The following ARL6IP5 variants were observed in gnomAD, a reference collection of about 807,000 sequenced individuals.
The protein encoded by ARL6IP5 is PRA1 family protein 3.
In ARL6IP5, 6 loss-of-function variants were observed where a neutral mutation model predicts 13.0. The observed-to-expected ratio is 0.46, with a 90% confidence interval of 0.25 to 0.91. The LOEUF (loss-of-function observed/expected upper bound fraction) is 0.91. ARL6IP5 is among the 40% of genes least tolerant of loss of function. ARL6IP5 has a pLI of 0.17. For synonymous variants in ARL6IP5, 91 were observed against 91.9 expected (o/e 0.99, Z 0.06); for missense variants, 208 against 248.8 (o/e 0.84, Z 1.10).
chr3:69,100,716 G>A (rs2092302380), intron 1 of ARL6IP5, among the ~76,000 whole-genome samples: 1 of 151,754 alleles, frequency 6.6e-6, no homozygotes, highest in Non-Finnish European at 1.5e-5. Context: ...AGGAGGCAGA[G>A]GTTGCAGTGA....
rs1474854786 is a variant in ARL6IP5 at position 69,105,638 on chromosome 3, C to T, written c.*1002C>T. 1.3e-5 allele frequency: 2 copies of T among 152,186 alleles called. No homozygotes were observed. Among genetic ancestry groups the T allele is most frequent in the African/African-American group, 4.8e-5 (2 of 41,452 alleles). 9.4% of individuals were successfully genotyped at this position (152,186 alleles called of 1,614,324 possible). On this transcript the variant is annotated 3_prime_UTR_variant, in exon 3 of 3. Transcript: ENST00000273258. ...AAATGGTAATGAAAATGGAATGCAG[C>T]TACTGCAGCTAATAAAAAATTTTAG...
At chr3:69,104,117 A>C (rs757952964) in intron 2 of ARL6IP5, among the ~76,000 whole-genome samples, 1 of 152,166 alleles carries the variant, frequency 6.6e-6, no homozygotes, top group African/African-American at 2.4e-5. Flanking sequence ...GTTGATTTTT[A>C]AGTAGGATGG....
chr3:69,089,680 A>T (rs1054522827), intron 1 of ARL6IP5: 2 of 374,174 alleles, frequency 5.3e-6, no homozygotes, highest in African/African-American at 2.2e-5. Context: ...ATTAGAACTC[A>T]TATTTTCTGG....
chr3:69,099,324 T>A (rs973613269), intron 1 of ARL6IP5, among the ~76,000 whole-genome samples: 10 of 152,112 alleles, frequency 6.6e-5, no homozygotes, highest in African/African-American at 2.4e-4. Flanking sequence ...TGAGCCGAGA[T>A]CGCGCCATTG....
rs373887137 is a variant in ARL6IP5 at position 69,093,907 on chromosome 3, C to G, written c.177-7932C>G. On this transcript the variant is annotated intron_variant, in intron 1 of 2. Coordinates refer to ENST00000273258, the MANE Select transcript of ARL6IP5 (RefSeq NM_006407.4). Reference sequence around the variant, plus strand: ...AGAAAGAGGCTGCAGTGAGCTATGACCATGCCATCATACTCCAGCTTGAGT... The same window carrying G: ...AGAAAGAGGCTGCAGTGAGCTATGAGCATGCCATCATACTCCAGCTTGAGT... 7.9e-5 allele frequency among the ~76,000 whole-genome samples: 12 copies of G among 152,202 alleles called. No homozygotes were observed. In the East Asian group the frequency reaches 1.5e-3, roughly 20 times the overall value.
chr3:69,089,820 A>G (rs1179355215), intron 1 of ARL6IP5: 1 of 456,586 alleles, frequency 2.2e-6, no homozygotes. Flanking sequence ...AGATAGAACC[A>G]TGTAGCTGCT....
At chr3:69,093,447 T>C (rs968669514) in intron 1 of ARL6IP5, among the ~76,000 whole-genome samples, 1 of 152,140 alleles carries the variant, frequency 6.6e-6, no homozygotes, top group African/African-American at 2.4e-5. Flanking sequence ...GGAGACACTG[T>C]TCTCATTTAC....
At chr3:69,101,002 AT>A (rs779731609) in intron 1 of ARL6IP5, among the ~76,000 whole-genome samples, 1 of 151,062 alleles carries the variant, frequency 6.6e-6, no homozygotes, top group African/African-American at 2.4e-5. Context: ...AGTTTTCTGG[AT>A]TTTTTTTTAA....
Position 69,085,039 on chromosome 3 carries a change from G to A in ARL6IP5, c.-9G>A. The A allele has an allele frequency of 6.2e-7, 1 of 1,612,488 alleles. No individual in the cohort carries two copies. Among genetic ancestry groups the A allele is most frequent in the South Asian group, 1.1e-5 (1 of 90,962 alleles). ...AGATTCTGGAGGCGAAGAACGCAAA[G>A]CTGAGAACATGGACGTTAATATCGC... On this transcript the variant is annotated 5_prime_UTR_variant, in exon 1 of 3. Transcript: ENST00000273258.
rs111837542 is a variant in ARL6IP5, at chr3:69,099,134, G to C, written c.177-2705G>C. Among the ~76,000 whole-genome samples the C allele has an allele frequency of 3.3e-3, 365 of 112,176 alleles. 20 individuals are homozygous for C. Among genetic ancestry groups the C allele is most frequent in the African/African-American group, 0.012 (328 of 27,864 alleles). 73.6% of individuals were successfully genotyped at this position (112,176 alleles called of 152,430 possible). On this transcript the variant is annotated intron_variant, in intron 1 of 2. Transcript: ENST00000273258. ...CACTTTGGGAGGCTGAGGGGCGGGG[G>C]GGGTGGGGGGTGGATCACATGAGGT... is the stretch of plus-strand genomic sequence containing the variant.
chr3:69,102,152 T>C (rs2092307793), intron 2 of ARL6IP5, 96 bp downstream of exon 2: 1 of 1,356,894 alleles, frequency 7.4e-7, no homozygotes, highest in Non-Finnish European at 1.0e-6. Flanking sequence ...TGTGTTGGCA[T>C]GTCAGCAAAA....
chr3:69,102,490 G>C (rs910179504), intron 2 of ARL6IP5, among the ~76,000 whole-genome samples: 2 of 152,140 alleles, frequency 1.3e-5, no homozygotes, highest in Non-Finnish European at 2.9e-5. Context: ...GGACTCCCAA[G>C]CTTGAGTGAT....
intron 1 of ARL6IP5, among the ~76,000 whole-genome samples, chr3:69,088,112 C>T (rs910989926): frequency 1.1e-4 from 17 of 152,084 alleles, no homozygotes; most frequent in Admixed American, 2.6e-4. Context: ...TACTCAAAGT[C>T]ACAAACTTAG....
At chr3:69,092,320 G>T (rs1331474074) in intron 1 of ARL6IP5, among the ~76,000 whole-genome samples, 1 of 152,148 alleles carries the variant, frequency 6.6e-6, no homozygotes, top group African/African-American at 2.4e-5. Context: ...AGAGGAAAAA[G>T]AATGCAGAAA....
At chr3:69,087,510 CAT>C (rs2092252252) in intron 1 of ARL6IP5, among the ~76,000 whole-genome samples, 1 of 151,766 alleles carries the variant, frequency 6.6e-6, no homozygotes, top group Non-Finnish European at 1.5e-5. Context: ...TTTCTTCAGA[CAT>C]GTGTGCTGCC....
At chr3:69,098,263 A>G (rs1165803848) in intron 1 of ARL6IP5, among the ~76,000 whole-genome samples, 11 of 39,486 alleles carry the variant, frequency 2.8e-4, no homozygotes, top group Admixed American at 9.2e-4. Context: ...TTTTTTTTTG[A>G]GACATAGTTT....
intron 1 of ARL6IP5, among the ~76,000 whole-genome samples, chr3:69,100,567 G>A (rs555215862): frequency 2.2e-4 from 33 of 151,990 alleles, no homozygotes; most frequent in Non-Finnish European, 7.4e-5. Flanking sequence ...ATCACTTGAC[G>A]CCAGGAGTTC....
At chr3:69,096,828 T>C (rs1172169356) in intron 1 of ARL6IP5, among the ~76,000 whole-genome samples, 1 of 152,022 alleles carries the variant, frequency 6.6e-6, no homozygotes, top group Non-Finnish European at 1.5e-5. Flanking sequence ...GGTCTTGATC[T>C]CCTGACCTTG....
intron 1 of ARL6IP5, among the ~76,000 whole-genome samples, chr3:69,093,777 G>C (rs1369675811): frequency 3.4e-5 from 5 of 146,710 alleles, no homozygotes; most frequent in African/African-American, 7.5e-5. Context: ...AAAAAAAAAA[G>C]AAAAGAAAAG....
Sources: gnomAD v4.1 joint callset for allele counts (sites outside exome capture counted in the v4.1 genomes callset) on GRCh38, gnomAD v4.1.1 for gene constraint, MANE v1.5 for transcripts, NCBI Gene and HGNC (gene_info 2026-07-23, HGNC 2026-07-21) for gene names.